Variants in DGKB observed in about 807,000 individuals in gnomAD.
The protein encoded by DGKB is diacylglycerol kinase beta.
DGKB carries 67 observed loss-of-function variants against 114.3 expected under a neutral mutation model. That is an observed-to-expected ratio of 0.59 (90% CI 0.48 to 0.72). DGKB has a LOEUF of 0.72. DGKB is among the 30% of genes least tolerant of loss of function. The pLI is 0.00. For synonymous variants in DGKB, 398 were observed against 323.1 expected (o/e 1.23, Z -2.49); for missense variants, 907 against 975.2 (o/e 0.93, Z 0.93).
Position 14,736,198 on chromosome 7 carries a change from G to GAAA in DGKB, c.169-7_169-5dup. ...TGAAACCTTCAAAATCTATTGTCTG[G>GAAA]AAAAAAAAAATGTAAACATGTATTT... On this transcript the variant is annotated splice_region_variant and splice_polypyrimidine_tract_variant and intron_variant, in intron 4 of 25. Coordinates refer to ENST00000402815, the MANE Select transcript of DGKB (RefSeq NM_001350709.2). 8.6e-7 allele frequency: 1 copy of GAAA among 1,161,392 alleles called. No homozygotes were observed. Among genetic ancestry groups the GAAA allele is most frequent in the African/African-American group, 2.2e-5 (1 of 45,764 alleles). The allele number at this position is 1,161,392 out of a possible 1,614,324, so 71.9% of individuals were successfully genotyped here.
intron 2 of DGKB, among the ~76,000 whole-genome samples, chr7:14,803,385 ATAT>A (rs1364585399): frequency 1.3e-5 from 2 of 152,130 alleles, no homozygotes; most frequent in African/African-American, 4.8e-5. Flanking sequence ...TCTAATACTA[ATAT>A]TATTATACCA....
At chr7:14,578,605 T>G (rs1799501321) in intron 19 of DGKB, among the ~76,000 whole-genome samples, 1 of 152,208 alleles carries the variant, frequency 6.6e-6, no homozygotes, top group Admixed American at 6.5e-5. Flanking sequence ...AAGCTAAGCC[T>G]GAAAATGTAC....
intron 21 of DGKB, among the ~76,000 whole-genome samples, chr7:14,470,078 AAGTT>A (rs1045874689): frequency 1.3e-5 from 2 of 151,904 alleles, no homozygotes; most frequent in Admixed American, 1.3e-4. Context: ...AAAGTATTCT[AAGTT>A]AGAATGAAAA....
rs116620467 is a variant in DGKB, at chr7:14,866,495, T to C, written c.-187-25045A>G. On this transcript the variant is annotated intron_variant, in intron 1 of 25. Transcript: ENST00000402815. ...AGAATGTTATATACACTTAGAATCA[T>C]ATAGTATATAGCTGTTCACTTAGTA... Among the ~76,000 whole-genome samples the C allele has an allele frequency of 5.7e-3, 870 of 152,320 alleles. 11 individuals are homozygous for C. The highest frequency in any genetic ancestry group is 0.02 in the African/African-American group (827 of 41,576).
In DGKB at chr7:14,258,676, T is replaced by C. The variant is rs893503997; in HGVS notation, c.2122+79839A>G. Among the ~76,000 whole-genome samples the C allele has an allele frequency of 5.3e-5, 8 of 152,296 alleles. No homozygotes were observed. The East Asian group carries it at 1.5e-3, about 29-fold the overall frequency. ...CCAATGGCAACAAGTGTTATGGAAA[T>C]ACGCATAAGCACAATCAAGTCTATG... On this transcript the variant is annotated intron_variant, in intron 23 of 25. Coordinates refer to ENST00000402815, the MANE Select transcript of DGKB (RefSeq NM_001350709.2).
intron 1 of DGKB, among the ~76,000 whole-genome samples, chr7:14,965,258 G>T (rs749668373): frequency 8.5e-5 from 13 of 152,116 alleles, no homozygotes; most frequent in Admixed American, 2.6e-4. Flanking sequence ...GGAGATGGTT[G>T]TGTACACTGT....
chr7:14,624,043 A>G (rs1032144543), intron 14 of DGKB, among the ~76,000 whole-genome samples: 2 of 152,212 alleles, frequency 1.3e-5, no homozygotes, highest in Non-Finnish European at 2.9e-5. Context: ...GTTACTATGA[A>G]TGATGTAAAA....
chr7:14,741,609 T>G (rs1832593695), intron 4 of DGKB, among the ~76,000 whole-genome samples: 1 of 152,224 alleles, frequency 6.6e-6, no homozygotes, highest in South Asian at 2.1e-4. Context: ...CATTTGCTGA[T>G]TCTCTCCTGC....
Position 14,306,601 on chromosome 7 carries a change from T to C in DGKB, c.2122+31914A>G, listed in dbSNP as rs1370890983. On this transcript the variant is annotated intron_variant, in intron 23 of 25. Coordinates refer to ENST00000402815, the MANE Select transcript of DGKB (RefSeq NM_001350709.2). ...ATAGTCCAGTCGGTACAGTAGATAATTGAAATAAAGTGTTCCCTGCATCCT... is the reference window on the plus strand; with the variant it reads ...ATAGTCCAGTCGGTACAGTAGATAACTGAAATAAAGTGTTCCCTGCATCCT... 2.0e-5 allele frequency among the ~76,000 whole-genome samples: 3 copies of C among 152,184 alleles called. No homozygotes were observed. The East Asian group carries it at 5.8e-4, about 29-fold the overall frequency.
chr7:14,459,758 T>C (rs1158838113), intron 21 of DGKB, among the ~76,000 whole-genome samples: 1 of 152,066 alleles, frequency 6.6e-6, no homozygotes, highest in Non-Finnish European at 1.5e-5. Flanking sequence ...ACCACAAAGA[T>C]ACTCGTTGAG....
At chr7:14,280,552 T>C (rs1292494342) in intron 23 of DGKB, among the ~76,000 whole-genome samples, 2 of 148,540 alleles carry the variant, frequency 1.3e-5, no homozygotes, top group Non-Finnish European at 3.0e-5. Flanking sequence ...CCAAGACACA[T>C]AATTGTCAGA....
At chr7:14,638,311 A>G (rs953158538) in intron 13 of DGKB, among the ~76,000 whole-genome samples, 13 of 152,302 alleles carry the variant, frequency 8.5e-5, no homozygotes, top group African/African-American at 1.4e-4. Context: ...GGTATCCACT[A>G]ACATTTCCTC....
chr7:14,565,493 A>C (rs1227327681), intron 20 of DGKB, among the ~76,000 whole-genome samples: 1 of 152,212 alleles, frequency 6.6e-6, no homozygotes, highest in Admixed American at 6.5e-5. Context: ...ATAGTCTTCT[A>C]AGCTTCCAAC....
intron 4 of DGKB, among the ~76,000 whole-genome samples, chr7:14,744,557 C>T (rs1832997471): frequency 6.6e-6 from 1 of 152,200 alleles, no homozygotes; most frequent in Non-Finnish European, 1.5e-5. Flanking sequence ...TTTGAGGGTG[C>T]TAACCCATGG....
chr7:14,386,019 T>G (rs1820282536), intron 21 of DGKB, among the ~76,000 whole-genome samples: 1 of 152,328 alleles, frequency 6.6e-6, no homozygotes. Context: ...CGTAGAGCCT[T>G]TAAAATGTTA....
At chr7:14,275,252 C>T (rs1426580821) in intron 23 of DGKB, among the ~76,000 whole-genome samples, 1 of 152,118 alleles carries the variant, frequency 6.6e-6, no homozygotes, top group Non-Finnish European at 1.5e-5. Context: ...AAGGCAGTTA[C>T]CATATTTCAT....
At chr7:14,387,047 G>A (rs1004977833) in intron 21 of DGKB, among the ~76,000 whole-genome samples, 1 of 151,756 alleles carries the variant, frequency 6.6e-6, no homozygotes, top group Non-Finnish European at 1.5e-5. Context: ...TATTGTGAAA[G>A]TAAAAATATA....
At chr7:14,697,904 G>C (rs1438693284) in intron 8 of DGKB, among the ~76,000 whole-genome samples, 191 bp downstream of exon 8, 1 of 144,838 alleles carries the variant, frequency 6.9e-6, no homozygotes, top group Non-Finnish European at 1.5e-5. Flanking sequence ...AAGAGAAAGA[G>C]AGAAGGAAGG....
At chr7:14,658,944 G>T (rs1441598833) in intron 13 of DGKB, among the ~76,000 whole-genome samples, 1 of 151,670 alleles carries the variant, frequency 6.6e-6, no homozygotes, top group Non-Finnish European at 1.5e-5. Flanking sequence ...GGATACATGC[G>T]CAGAATGTGC....
Sources: gnomAD v4.1 joint callset for allele counts (sites outside exome capture counted in the v4.1 genomes callset) on GRCh38, gnomAD v4.1.1 for gene constraint, MANE v1.5 for transcripts, NCBI Gene and HGNC (gene_info 2026-07-23, HGNC 2026-07-21) for gene names.